The following CFAP47 variants were observed in gnomAD, a reference collection of about 807,000 sequenced individuals.
CFAP47 encodes the protein cilia- and flagella-associated protein 47.
In CFAP47, 29 loss-of-function variants were observed where a neutral mutation model predicts 148.1. The ratio of observed to expected loss-of-function variants is 0.20; its 90% confidence interval spans 0.15 to 0.27. CFAP47 has a LOEUF of 0.27. CFAP47 is among the 10% of genes least tolerant of loss of function. CFAP47 has a pLI of 1.00. For missense variants in CFAP47, 1,872 were observed against 1,697.5 expected, an observed-to-expected ratio of 1.10 and a Z score of -1.81; for synonymous variants, 664 against 577.3, an observed-to-expected ratio of 1.15 and a Z score of -2.15.
chrX:36,185,949 G>C (rs782263246), intron 40 of CFAP47, among the ~76,000 whole-genome samples: 1 of 111,632 alleles, frequency 9.0e-6, no homozygotes, highest in African/African-American at 3.3e-5. Context: ...GGTCACATTG[G>C]TGGTTAGGAT....
At chrX:36,040,112 A>G (rs1188593352) in intron 25 of CFAP47, among the ~76,000 whole-genome samples, 1 of 111,776 alleles carries the variant, frequency 8.9e-6, no homozygotes, top group Non-Finnish European at 1.9e-5. Flanking sequence ...CCCTCAGCTG[A>G]AAAGCACCAA....
intron 3 of CFAP47, among the ~76,000 whole-genome samples, chrX:35,947,662 A>G (rs1234776123): frequency 9.1e-6 from 1 of 109,838 alleles, no homozygotes; most frequent in Non-Finnish European, 1.9e-5. Context: ...CAATAGGGTA[A>G]AGATACGAAT....
chrX:36,223,534 A>G (rs918109881), intron 45 of CFAP47, among the ~76,000 whole-genome samples: 1 of 111,569 alleles, frequency 9.0e-6, no homozygotes, highest in Non-Finnish European at 1.9e-5. Flanking sequence ...ACAACTATAG[A>G]AGGCAGTGTT....
intron 26 of CFAP47, among the ~76,000 whole-genome samples, chrX:36,052,998 C>T (rs1371528923): frequency 9.0e-6 from 1 of 111,605 alleles, no homozygotes; most frequent in African/African-American, 3.3e-5. Context: ...GATCCAGAGT[C>T]AAATCAGTTT....
chrX:36,381,749 GA>G (rs1391648403), intron 63 of CFAP47, among the ~76,000 whole-genome samples: 1 of 110,397 alleles, frequency 9.1e-6, no homozygotes. Context: ...CTTAGTTTAT[GA>G]AAATGTGAGG....
intron 29 of CFAP47, among the ~76,000 whole-genome samples, chrX:36,077,361 G>A (rs1431962253): frequency 9.3e-6 from 1 of 107,705 alleles, no homozygotes; most frequent in African/African-American, 3.4e-5. Context: ...GCTTTGGGCA[G>A]TAAGTCCATT....
At chrX:35,949,496 G>T (rs1569211300) in intron 4 of CFAP47, among the ~76,000 whole-genome samples, 1 of 111,661 alleles carries the variant, frequency 9.0e-6, no homozygotes, top group South Asian at 3.8e-4. Context: ...GAGATAGGTT[G>T]TAGAAGTAGA....
intron 35 of CFAP47, among the ~76,000 whole-genome samples, chrX:36,142,544 CTTTA>C (rs1939160656): frequency 9.0e-6 from 1 of 111,246 alleles, no homozygotes; most frequent in Admixed American, 9.6e-5. Flanking sequence ...ACCTAACTTA[CTTTA>C]TTTAACATTT....
intron 53 of CFAP47, among the ~76,000 whole-genome samples, chrX:36,302,363 G>A (rs7878252): frequency 2.0e-3 from 226 of 110,933 alleles, no homozygotes; most frequent in African/African-American, 7.1e-3. Flanking sequence ...ATAAAAACAA[G>A]AAAATGGTGC....
chrX:36,008,905 G>C (rs1036774543), intron 21 of CFAP47, among the ~76,000 whole-genome samples: 16 of 111,840 alleles, frequency 1.4e-4, no homozygotes, highest in African/African-American at 4.9e-4. Flanking sequence ...GTCATCTCCA[G>C]ACATGCTCCT....
intron 24 of CFAP47, among the ~76,000 whole-genome samples, chrX:36,037,437 A>G (rs1937352082): frequency 9.1e-6 from 1 of 110,134 alleles, no homozygotes. Context: ...ATCTCAGCTC[A>G]CTGCAACATT....
chrX:36,279,068 A>G (rs1357664356), intron 49 of CFAP47, among the ~76,000 whole-genome samples: 3 of 111,823 alleles, frequency 2.7e-5, no homozygotes, highest in Admixed American at 9.5e-5. Context: ...TTTTTTTCCA[A>G]ATTAGGCATT....
Position 36,280,492 on chromosome X carries a change from A to G in CFAP47, c.7450A>G (p.Ile2484Val), listed in dbSNP as rs180994622. The stretch of plus-strand genomic sequence containing the variant: ...CTTGTACTTATGTGTTGTAGGTACA[A>G]TTACATTTTCTACTACAAGAAGATG... ...PWKRGILKGTITFSTTRRCTT... is the reference protein window; with the variant it reads ...PWKRGILKGTVTFSTTRRCTT... The change falls in exon 50 of 64, where the codon ATT (isoleucine) becomes GTT (valine). Residue 2484 changes from isoleucine (I) to valine (V), a missense_variant. Coordinates refer to ENST00000378653, the MANE Select transcript of CFAP47 (RefSeq NM_001304548.2). 27 of 503,305 alleles carry G rather than the reference A, an allele frequency of 5.4e-5. No homozygotes were observed. The African/African-American group carries it at 6.0e-4, about 11-fold the overall frequency. The allele number at this position is 503,305 out of a possible 1,213,427, so 41.5% of individuals were successfully genotyped here.
At chrX:35,994,798 A>G (rs1936827303) in intron 18 of CFAP47, among the ~76,000 whole-genome samples, 1 of 111,379 alleles carries the variant, frequency 9.0e-6, no homozygotes, top group South Asian at 3.8e-4. Context: ...TTAACATTAT[A>G]GTATAATGAG....
chrX:36,182,471 A>G (rs1214522991), intron 40 of CFAP47, among the ~76,000 whole-genome samples: 1 of 112,238 alleles, frequency 8.9e-6, no homozygotes, highest in Non-Finnish European at 1.9e-5. Context: ...TCTTTGGCAT[A>G]ATGAGGCATT....
chrX:36,018,149 A>C (rs756418310), intron 22 of CFAP47, among the ~76,000 whole-genome samples: 17 of 111,581 alleles, frequency 1.5e-4, no homozygotes, highest in Non-Finnish European at 3.0e-4. Flanking sequence ...AATACTTTTA[A>C]AATTGCTTTT....
At chrX:36,019,495 C>A (rs1160965430) in intron 22 of CFAP47, among the ~76,000 whole-genome samples, 1 of 111,706 alleles carries the variant, frequency 9.0e-6, no homozygotes. Context: ...TGTATTTGCA[C>A]CCTAATCTTT....
chrX:36,210,094 C>T (rs1439208205), intron 45 of CFAP47, among the ~76,000 whole-genome samples: 1 of 112,086 alleles, frequency 8.9e-6, no homozygotes, highest in Non-Finnish European at 1.9e-5. Flanking sequence ...TTTGTTTATC[C>T]ATTCATCAGT....
intron 22 of CFAP47, among the ~76,000 whole-genome samples, chrX:36,018,034 ATTTC>A (rs1022758328): frequency 9.1e-6 from 1 of 110,317 alleles, no homozygotes; most frequent in Non-Finnish European, 1.9e-5. Context: ...GTCCTCTTCA[ATTTC>A]TTTCATTAAT....
Sources: allele counts gnomAD v4.1 joint callset (sites outside exome capture counted in the v4.1 genomes callset), GRCh38; gene constraint gnomAD v4.1.1; transcripts MANE v1.5; gene names NCBI Gene and HGNC (gene_info 2026-07-23, HGNC 2026-07-21).